Variants in NAALADL2 observed in about 807,000 individuals in gnomAD.
The protein encoded by NAALADL2 is N-acetylated alpha-linked acidic dipeptidase like 2, also known as inactive N-acetylated-alpha-linked acidic dipeptidase-like protein 2.
NAALADL2 carries 76 observed loss-of-function variants against 87.2 expected under a neutral mutation model. That is an observed-to-expected ratio of 0.87 (90% confidence interval 0.72 to 1.05). The LOEUF (loss-of-function observed/expected upper bound fraction) is 1.05. Among genes scored for constraint, NAALADL2 ranks in the 50% least tolerant of loss-of-function variants. NAALADL2 has a pLI of 0.00. For missense variants in NAALADL2, 1,089 were observed against 945.8 expected, an observed-to-expected ratio of 1.15 and a Z score of -1.99; for synonymous variants, 354 against 331.0, an observed-to-expected ratio of 1.07 and a Z score of -0.75.
intron 4 of NAALADL2, among the ~76,000 whole-genome samples, chr3:175,315,826 A>G (rs1254648378): frequency 2.0e-5 from 3 of 152,176 alleles, no homozygotes; most frequent in Non-Finnish European, 4.4e-5. Flanking sequence ...AAATGTTCTT[A>G]CTATATATTC....
chr3:175,195,180 C>T (rs1463711288), intron 2 of NAALADL2, among the ~76,000 whole-genome samples: 1 of 151,696 alleles, frequency 6.6e-6, no homozygotes, highest in Non-Finnish European at 1.5e-5. Context: ...ATAATGTCTA[C>T]TTTCCAATCA....
chr3:174,603,651 C>A (rs1371485981), intron 2 of NAALADL2, among the ~76,000 whole-genome samples: 1 of 151,442 alleles, frequency 6.6e-6, no homozygotes, highest in Non-Finnish European at 1.5e-5. Context: ...TTTTCTAGTT[C>A]TTTAAGATGC....
At chr3:175,256,305 T>C in intron 3 of NAALADL2, 106 bp from the exon 4 acceptor site, 8 of 1,064,048 alleles carry the variant, frequency 7.5e-6, no homozygotes, top group Non-Finnish European at 1.1e-5. Flanking sequence ...TAATTCTATA[T>C]TGAACATTTC....
At chr3:174,636,188 C>A (rs907899423) in intron 2 of NAALADL2, among the ~76,000 whole-genome samples, 1 of 152,046 alleles carries the variant, frequency 6.6e-6, no homozygotes, top group Non-Finnish European at 1.5e-5. Context: ...AAAATCAACT[C>A]GAGATGTATT....
intron 1 of NAALADL2, among the ~76,000 whole-genome samples, chr3:175,051,879 GC>G (rs1288300039): frequency 6.6e-6 from 1 of 152,146 alleles, no homozygotes; most frequent in Admixed American, 6.5e-5. Flanking sequence ...TAAAGAGGAA[GC>G]CTAACGAAAG....
rs567146944 is a variant in NAALADL2, at chr3:174,598,687, T to C, written c.-115+48050T>C. ...GGTCTCCTGTAGTAACTTAGTAAAA[T>C]TAAGGGCTTTTAGATTTGGACAGCA... On this transcript the variant is annotated intron_variant, in intron 2 of 3. Coordinates refer to the NAALADL2 transcript ENST00000434257. Among the ~76,000 whole-genome samples the C allele has an allele frequency of 6.6e-5, 10 of 152,196 alleles. No homozygotes were observed. The South Asian group carries it at 1.9e-3, about 28-fold the overall frequency.
At chr3:175,288,954 G>A (rs952550829) in intron 4 of NAALADL2, among the ~76,000 whole-genome samples, 1 of 152,038 alleles carries the variant, frequency 6.6e-6, no homozygotes, top group Non-Finnish European at 1.5e-5. Flanking sequence ...GCTGATTTAT[G>A]GGTCTTCCGA....
chr3:175,146,481 A>G (rs1730765045), intron 2 of NAALADL2, among the ~76,000 whole-genome samples: 1 of 152,152 alleles, frequency 6.6e-6, no homozygotes, highest in Admixed American at 6.6e-5. Context: ...GCAAGCTAAA[A>G]TAATTATTGT....
intron 2 of NAALADL2, chr3:175,218,166 C>G (rs1271393449): frequency 2.4e-6 from 1 of 416,006 alleles, no homozygotes. Context: ...CTAAGAAGCA[C>G]AATAATCTTA....
chr3:175,011,016 A>T (rs76697184), intron 1 of NAALADL2, among the ~76,000 whole-genome samples: 2,638 of 152,256 alleles, frequency 0.017, 65 homozygotes, highest in African/African-American at 0.058. Context: ...TCCTATCAGA[A>T]TTACTAGATT....
rs191418092 is a variant in NAALADL2 at position 174,975,276 on chromosome 3, T to C, written c.43+115826T>C. Among the ~76,000 whole-genome samples the C allele has an allele frequency of 2.6e-5, 4 of 152,318 alleles. No individual in the cohort carries two copies. The East Asian group carries it at 7.7e-4, about 29-fold the overall frequency. The stretch of plus-strand genomic sequence containing the variant: ...TTAGATTAATAATGATTCTTGACTA[T>C]GATAGTAATTATGTTATTAGGAGAA... On this transcript the variant is annotated intron_variant, in intron 1 of 13. Coordinates refer to ENST00000454872, the MANE Select transcript of NAALADL2 (RefSeq NM_207015.3).
intron 5 of NAALADL2, among the ~76,000 whole-genome samples, chr3:175,327,960 T>G (rs1009270826): frequency 6.6e-6 from 1 of 152,162 alleles, no homozygotes; most frequent in African/African-American, 2.4e-5. Context: ...ATGGTCTAAA[T>G]CAAAAGGATG....
chr3:175,055,710 T>C (rs900356832), intron 1 of NAALADL2, among the ~76,000 whole-genome samples: 2 of 152,240 alleles, frequency 1.3e-5, no homozygotes, highest in African/African-American at 4.8e-5. Flanking sequence ...AGCGGTTTTC[T>C]ATTTTCCCCT....
chr3:174,970,774 C>T lies in NAALADL2; in HGVS notation c.43+111324C>T, dbSNP rs529493714. On this transcript the variant is annotated intron_variant, in intron 1 of 13. Coordinates refer to ENST00000454872, the MANE Select transcript of NAALADL2 (RefSeq NM_207015.3). The stretch of plus-strand genomic sequence containing the variant: ...ATTTAAGTGACTGCTATGATATGGT[C>T]TAAATCATACATATTTATATGGTCT... Among the ~76,000 whole-genome samples, 33 of 152,254 alleles carry T rather than the reference C, an allele frequency of 2.2e-4. No homozygotes were observed. The East Asian group carries it at 6.2e-3, about 29-fold the overall frequency.
chr3:175,719,222 A>C (rs1262631822), intron 11 of NAALADL2, among the ~76,000 whole-genome samples: 1 of 104,244 alleles, frequency 9.6e-6, no homozygotes. Flanking sequence ...TGGGGGTTAC[A>C]AAAAAAAAAA....
At chr3:175,336,905 C>G (rs1401199476) in intron 5 of NAALADL2, among the ~76,000 whole-genome samples, 4 of 152,000 alleles carry the variant, frequency 2.6e-5, no homozygotes, top group Non-Finnish European at 4.4e-5. Context: ...GCAATTTTAT[C>G]TTGGAAAAAA....
chr3:175,273,948 T>G (rs1008345401), intron 4 of NAALADL2, among the ~76,000 whole-genome samples: 1 of 152,220 alleles, frequency 6.6e-6, no homozygotes, highest in African/African-American at 2.4e-5. Flanking sequence ...TTCTTTGTTT[T>G]TTTTCAATGT....
chr3:174,551,204 T>C (rs1413330665), intron 2 of NAALADL2: 1 of 152,178 alleles, frequency 6.6e-6, no homozygotes, highest in Non-Finnish European at 1.5e-5. Flanking sequence ...TTTTTCACTC[T>C]GCTCTTGTGT....
intron 5 of NAALADL2, among the ~76,000 whole-genome samples, chr3:175,360,814 GTGTGTGTGTGTA>G (rs1282197936): frequency 4.0e-5 from 4 of 100,392 alleles, no homozygotes; most frequent in South Asian, 3.1e-4. Flanking sequence ...ATTCCACTGT[GTGTGTGTGTGTA>G]TGTGTGTGTG....
Sources: gnomAD v4.1 joint callset for allele counts (sites outside exome capture counted in the v4.1 genomes callset) on GRCh38, gnomAD v4.1.1 for gene constraint, MANE v1.5 for transcripts, NCBI Gene and HGNC (gene_info 2026-07-23, HGNC 2026-07-21) for gene names.